Variants in TTC39C observed in about 807,000 individuals in gnomAD.
TTC39C encodes tetratricopeptide repeat protein 39C.
A neutral mutation model predicts 76.3 loss-of-function variants in TTC39C; 33 were observed. The ratio of observed to expected loss-of-function variants is 0.43; its 90% CI spans 0.33 to 0.58. TTC39C has a LOEUF of 0.58. TTC39C is among the 20% of genes least tolerant of loss of function. The pLI, the probability that TTC39C is intolerant of heterozygous loss-of-function variation, is 0.04. For synonymous variants in TTC39C, 254 were observed against 260.6 expected (o/e 0.97, Z 0.24); for missense variants, 595 against 701.4 (o/e 0.85, Z 1.71).
chr18:23,994,358 C>T (rs1326433816), intron 1 of TTC39C: 2 of 149,914 alleles, frequency 1.3e-5, no homozygotes, highest in Non-Finnish European at 3.0e-5. Context: ...GGAAATCAGT[C>T]TGTATTTCCA....
intron 6 of TTC39C, among the ~76,000 whole-genome samples, chr18:24,095,184 C>T (rs1467452442): frequency 1.3e-5 from 2 of 152,196 alleles, no homozygotes; most frequent in Non-Finnish European, 2.9e-5. Context: ...CCAACCTCTG[C>T]CAACCTTGGG....
chr18:24,019,972 T>C (rs781663156), intron 1 of TTC39C: 1 of 1,472,520 alleles, frequency 6.8e-7, no homozygotes, highest in South Asian at 1.4e-5. Flanking sequence ...CCTAAAACCA[T>C]GTCAGATTCT....
chr18:24,091,805 T>C (rs1460112206), intron 6 of TTC39C, among the ~76,000 whole-genome samples: 1 of 151,798 alleles, frequency 6.6e-6, no homozygotes, highest in Non-Finnish European at 1.5e-5. Flanking sequence ...AAATGGACAA[T>C]GGGGGCAGGC....
intron 6 of TTC39C, among the ~76,000 whole-genome samples, chr18:24,102,354 A>G (rs78869813): frequency 0.014 from 2,064 of 152,336 alleles, 55 homozygotes; most frequent in African/African-American, 0.046. Context: ...TGCTGAAAAC[A>G]TAACTACTCT....
chr18:24,092,220 C>G (rs1224805222), intron 6 of TTC39C, among the ~76,000 whole-genome samples: 1 of 150,940 alleles, frequency 6.6e-6, no homozygotes, highest in African/African-American at 2.4e-5. Context: ...ACCAAGTAAG[C>G]TACTGTTTCA....
intron 1 of TTC39C, among the ~76,000 whole-genome samples, chr18:24,032,026 A>G (rs1296223055): frequency 6.6e-6 from 1 of 152,194 alleles, no homozygotes; most frequent in Non-Finnish European, 1.5e-5. Context: ...AAGAGACAAG[A>G]TTTGAAGACA....
chr18:24,042,406 G>C (rs776564983), intron 1 of TTC39C, among the ~76,000 whole-genome samples: 11 of 152,108 alleles, frequency 7.2e-5, no homozygotes, highest in Non-Finnish European at 1.0e-4. Flanking sequence ...GACCCCCCAC[G>C]TGCACAGTTC....
chr18:24,011,640 C>T (rs56119998), upstream of TTC39C, among the ~76,000 whole-genome samples: 1,404 of 152,274 alleles, frequency 9.2e-3, 16 homozygotes, highest in Non-Finnish European at 0.013. Context: ...AACCACAACA[C>T]CTTATTTTTT....
intron 1 of TTC39C, among the ~76,000 whole-genome samples, chr18:24,053,350 A>G (rs2083976958): frequency 1.3e-5 from 2 of 152,222 alleles, no homozygotes; most frequent in African/African-American, 4.8e-5. Flanking sequence ...AATGAATGCC[A>G]CGTGAACAAG....
intron 1 of TTC39C, among the ~76,000 whole-genome samples, chr18:24,004,786 A>G (rs1233179791): frequency 1.3e-5 from 2 of 152,190 alleles, no homozygotes; most frequent in African/African-American, 4.8e-5. Context: ...TTTCTCAAAC[A>G]TATACTAAGG....
rs2085188137 is a variant in TTC39C at position 24,135,369 on chromosome 18, G to A, written c.*2795G>A. 2 of 152,548 alleles carry A rather than the reference G, an allele frequency of 1.3e-5. No individual in the cohort carries two copies. Among genetic ancestry groups the A allele is most frequent in the South Asian group, 4.1e-4 (2 of 4,822 alleles). 9.4% of individuals were successfully genotyped at this position (152,548 alleles called of 1,614,324 possible). A position where few individuals can be genotyped will look rare whatever the true frequency, so the allele number is the denominator to read the frequency against. On this transcript the variant is annotated 3_prime_UTR_variant, in exon 14 of 14. Coordinates refer to ENST00000317571, the MANE Select transcript of TTC39C (RefSeq NM_001135993.2). The stretch of plus-strand genomic sequence containing the variant: ...GCCTGTGGTAAATCTGTGTTAACAT[G>A]GTGGTAGACCATGGAGAATGGGTAG...
At chr18:24,003,894 C>T (rs781569186) in intron 1 of TTC39C, among the ~76,000 whole-genome samples, 6 of 152,110 alleles carry the variant, frequency 3.9e-5, no homozygotes, top group Non-Finnish European at 8.8e-5. Flanking sequence ...ACAACAGGGG[C>T]CTACCACCAC....
chr18:24,116,449 G>A (rs539184934), intron 7 of TTC39C, among the ~76,000 whole-genome samples: 4 of 152,246 alleles, frequency 2.6e-5, no homozygotes, highest in East Asian at 1.9e-4. Context: ...AGGCTGAGGC[G>A]GGCGGGAGAG....
At chr18:24,070,185 A>G (rs1210813869) in intron 4 of TTC39C, among the ~76,000 whole-genome samples, 1 of 152,106 alleles carries the variant, frequency 6.6e-6, no homozygotes, top group African/African-American at 2.4e-5. Context: ...GCTGAAGTCA[A>G]AAGTGGAATA....
chr18:24,120,481 C>A (rs2084951812), intron 8 of TTC39C, among the ~76,000 whole-genome samples: 1 of 152,184 alleles, frequency 6.6e-6, no homozygotes, highest in South Asian at 2.1e-4. Flanking sequence ...GGGCTTAGCT[C>A]CCCAGCATGT....
At chr18:24,095,651 A>G (rs2084579073) in intron 6 of TTC39C, among the ~76,000 whole-genome samples, 1 of 152,182 alleles carries the variant, frequency 6.6e-6, no homozygotes, top group African/African-American at 2.4e-5. Flanking sequence ...GTGAGCCGAG[A>G]TTGCATCATT....
At chr18:23,994,430 C>T (rs866970793) in intron 1 of TTC39C, 20 of 152,066 alleles carry the variant, frequency 1.3e-4, no homozygotes, top group Non-Finnish European at 4.4e-5. Flanking sequence ...CTTAGGGAAT[C>T]TGTCATGAAC....
intron 1 of TTC39C, among the ~76,000 whole-genome samples, chr18:24,056,060 G>A (rs977984272): frequency 1.3e-5 from 2 of 152,206 alleles, no homozygotes; most frequent in African/African-American, 4.8e-5. Context: ...GGCGAGGTCT[G>A]AGGCATTAGA....
chr18:24,022,944 C>A, intron 1 of TTC39C: 1 of 918,888 alleles, frequency 1.1e-6, no homozygotes, highest in Non-Finnish European at 1.3e-6. Flanking sequence ...CTTTATCCGG[C>A]ACTTGTGTTG....
Sources: allele counts gnomAD v4.1 joint callset (sites outside exome capture counted in the v4.1 genomes callset), GRCh38; gene constraint gnomAD v4.1.1; transcripts MANE v1.5; gene names NCBI Gene and HGNC (gene_info 2026-07-23, HGNC 2026-07-21).